The following ATIC variants were observed in gnomAD, a reference collection of about 807,000 sequenced individuals.
The protein encoded by ATIC is 5-aminoimidazole-4-carboxamide ribonucleotide formyltransferase/IMP cyclohydrolase.
Under a neutral mutation model 72.5 loss-of-function variants are expected in ATIC, and 64 were observed. The ratio of observed to expected loss-of-function variants is 0.88; its 90% CI spans 0.72 to 1.09. The LOEUF is 1.09. Ranked by LOEUF, ATIC falls within the 50% of genes least tolerant of loss-of-function variation. The pLI is 0.00. For missense variants in ATIC, 787 were observed against 732.4 expected (o/e 1.07, Z -0.86); for synonymous variants, 281 against 267.1 (o/e 1.05, Z -0.51).
chr2:215,361,864 T>G, the ATIC span: 325 of 1,461,684 alleles, frequency 2.2e-4, 2 homozygotes, highest in South Asian at 2.0e-3. Context: ...ATGAGTTGTT[T>G]TTTTTTTTAA....
the ATIC span, among the ~76,000 whole-genome samples, chr2:215,357,408 G>A: frequency 2.6e-5 from 4 of 152,174 alleles, no homozygotes; most frequent in Non-Finnish European, 5.9e-5. Context: ...TCAATCCTTT[G>A]GGGGCTCCAC....
Position 215,327,906 on chromosome 2 carries a change from TTA to T in ATIC, c.688+929_688+930del, listed in dbSNP as rs776327437. 3.9e-4 allele frequency among the ~76,000 whole-genome samples: 35 copies of T among 90,200 alleles called. 1 individual carries two copies. Among genetic ancestry groups the T allele is most frequent in the African/African-American group, 1.0e-3 (26 of 24,986 alleles). 59.2% of individuals were successfully genotyped at this position (90,200 alleles called of 152,430 possible). A position where few individuals can be genotyped will look rare whatever the true frequency, so the allele number is the denominator to read the frequency against. On this transcript the variant is annotated intron_variant, in intron 7 of 15. Coordinates refer to ENST00000236959, the MANE Select transcript of ATIC (RefSeq NM_004044.7). ...TCAGATAGATTTTTTTTTTTTTTTTTTAAATTAAGACAACGGAGTCTCGCTCT... is the reference window on the plus strand; with the variant it reads ...TCAGATAGATTTTTTTTTTTTTTTTTAATTAAGACAACGGAGTCTCGCTCT...
chr2:215,327,290 G>A (rs566898068), intron 7 of ATIC, among the ~76,000 whole-genome samples: 1 of 152,184 alleles, frequency 6.6e-6, no homozygotes, highest in Non-Finnish European at 1.5e-5. Flanking sequence ...AAGCCTTGGG[G>A]TAAAGGCTTG....
the ATIC span, chr2:215,367,838 G>T: frequency 6.2e-7 from 1 of 1,613,072 alleles, no homozygotes; most frequent in East Asian, 2.2e-5. Context: ...AAACACGGAA[G>T]TGGATGGACA....
At chr2:215,345,067 A>G (rs753193760) in intron 13 of ATIC, 196 bp downstream of exon 13, 13 of 647,574 alleles carry the variant, frequency 2.0e-5, no homozygotes, top group South Asian at 3.5e-5. Flanking sequence ...CTTTGGAACC[A>G]GGTACTCAAA....
chr2:215,359,915 A>G, the ATIC span, among the ~76,000 whole-genome samples: 2 of 152,040 alleles, frequency 1.3e-5, no homozygotes, highest in Admixed American at 6.5e-5. Flanking sequence ...CATTTCCACT[A>G]TTTACTATTC....
chr2:215,332,255 G>GT, intron 7 of ATIC, 127 bp from the exon 8 acceptor site: 1 of 1,322,096 alleles, frequency 7.6e-7, no homozygotes, highest in Non-Finnish European at 1.1e-6. Flanking sequence ...TTATGTTTGT[G>GT]TGTATCTGTT....
At chr2:215,361,854 A>G in the ATIC span, 2 of 1,385,616 alleles carry the variant, frequency 1.4e-6, no homozygotes, top group Non-Finnish European at 2.0e-6. Context: ...TAAGTCATTT[A>G]TGAGTTGTTT....
chr2:215,353,916 A>G (rs983163130), downstream of ATIC, among the ~76,000 whole-genome samples: 1 of 152,142 alleles, frequency 6.6e-6, no homozygotes, highest in Non-Finnish European at 1.5e-5. Flanking sequence ...GGCTATGCTT[A>G]CAATTCTGGG....
chr2:215,336,213 C>A lies in ATIC; in HGVS notation c.1098+89C>A. The A allele has an allele frequency of 5.0e-6, 5 of 991,942 alleles. No individual in the cohort carries two copies. The South Asian group carries it at 6.7e-5, about 13-fold the overall frequency. 61.4% of individuals were successfully genotyped at this position (991,942 alleles called of 1,614,324 possible). ...TTTACTCTTTCCTTTATACTCATAC[C>A]CTTCTAGTTTATCCTTATTATAGTT... is the stretch of plus-strand genomic sequence containing the variant. On this transcript the variant is annotated intron_variant, in intron 11 of 15. Coordinates refer to ENST00000236959, the MANE Select transcript of ATIC (RefSeq NM_004044.7).
chr2:215,347,588 G>T, intron 14 of ATIC: 1 of 490,050 alleles, frequency 2.0e-6, no homozygotes, highest in Non-Finnish European at 4.1e-6. Context: ...GTCTTCTGAA[G>T]AGCCAATTGA....
At chr2:215,319,860 T>C in intron 4 of ATIC, 129 bp downstream of exon 4, 2 of 774,728 alleles carry the variant, frequency 2.6e-6, no homozygotes, top group Non-Finnish European at 4.3e-6. Flanking sequence ...ACTTTGTATG[T>C]GTGTAAGCAT....
Position 215,312,127 on chromosome 2 carries a change from C to T in ATIC, c.-16C>T. The T allele has an allele frequency of 9.8e-6, 15 of 1,528,728 alleles. No homozygotes were observed. Among genetic ancestry groups the T allele is most frequent in the Non-Finnish European group, 1.3e-5 (15 of 1,144,328 alleles). The allele number at this position is 1,528,728 out of a possible 1,614,324, so 94.7% of individuals were successfully genotyped here. ...GCTGCTGCCTCCCGCTCGCCCTGAACCCAGTGCCTGCAGCCATGGCTCCCG... is the reference window on the plus strand; with the variant it reads ...GCTGCTGCCTCCCGCTCGCCCTGAATCCAGTGCCTGCAGCCATGGCTCCCG... On this transcript the variant is annotated 5_prime_UTR_variant, in exon 1 of 16. Transcript: ENST00000236959.
chr2:215,312,527 C>T lies in ATIC; in HGVS notation c.49C>T (p.Leu17Phe). ...ALFSVSDKTG[L>F]VEFARNLTAL... ...ATTTAGTGTCTCTGACAAAACCGGC[C>T]TTGTGGAATTTGCAAGAAACCTGAC... is the stretch of plus-strand genomic sequence containing the variant. Residue 17 changes from leucine to phenylalanine, a missense_variant, in exon 2 of 16, where the codon CTT becomes TTT. Transcript: ENST00000236959. 5.6e-6 allele frequency: 9 copies of T among 1,614,200 alleles called. No homozygotes were observed. The highest frequency in any genetic ancestry group is 1.1e-5 in the South Asian group (1 of 91,092).
chr2:215,314,675 A>G (rs773962835), intron 2 of ATIC, among the ~76,000 whole-genome samples: 7 of 151,762 alleles, frequency 4.6e-5, no homozygotes, highest in Non-Finnish European at 1.5e-5. Flanking sequence ...ATTTTTTTGT[A>G]TTTTTGGTAG....
chr2:215,353,280 C>T (rs909353190), downstream of ATIC, among the ~76,000 whole-genome samples: 1 of 152,054 alleles, frequency 6.6e-6, no homozygotes, highest in African/African-American at 2.4e-5. Context: ...TTTGAATGTA[C>T]GGTTGTATTT....
chr2:215,347,212 C>A lies in ATIC; in HGVS notation c.1503+271C>A, dbSNP rs185527720. 9 of 456,352 alleles carry A rather than the reference C, an allele frequency of 2.0e-5. No individual in the cohort carries two copies. The Admixed American group carries it at 3.1e-4, about 16-fold the overall frequency. 28.3% of individuals were successfully genotyped at this position (456,352 alleles called of 1,614,324 possible). On this transcript the variant is annotated intron_variant, in intron 14 of 15. Coordinates refer to ENST00000236959, the MANE Select transcript of ATIC (RefSeq NM_004044.7). ...GTGTAGGTTTGTATATTTGTACTTCCCCTGTTGATTATAAGCTTTTGATGA... is the reference window on the plus strand; with the variant it reads ...GTGTAGGTTTGTATATTTGTACTTCACCTGTTGATTATAAGCTTTTGATGA...
intron 12 of ATIC, among the ~76,000 whole-genome samples, chr2:215,340,741 C>CTA (rs1265723455): frequency 1.3e-5 from 2 of 152,176 alleles, no homozygotes; most frequent in East Asian, 3.9e-4. Context: ...CCCTAGGTAT[C>CTA]TACTGCTGTA....
Position 215,349,185 on chromosome 2 carries a change from C to G in ATIC, c.1595C>G (p.Thr532Ser). The G allele has an allele frequency of 6.2e-7, 1 of 1,614,110 alleles. No homozygotes were observed. The highest frequency in any genetic ancestry group is 8.5e-7 in the Non-Finnish European group (1 of 1,179,996). The change falls in exon 15 of 16, where the codon ACT becomes AGT. Residue 532 changes from threonine (T) to serine (S), a missense_variant. Coordinates refer to ENST00000236959, the MANE Select transcript of ATIC (RefSeq NM_004044.7). ...AEKKEWVEKL[T>S]EVSISSDAFF... ...AAGAAGGAATGGGTTGAGAAACTGA[C>G]TGAAGTTTCTATCAGCTCTGATGCC...
Sources: allele counts gnomAD v4.1 joint callset (sites outside exome capture counted in the v4.1 genomes callset), GRCh38; gene constraint gnomAD v4.1.1; transcripts MANE v1.5; gene names NCBI Gene and HGNC (gene_info 2026-07-23, HGNC 2026-07-21).